Variants in PLXNA4 observed in about 807,000 individuals in gnomAD.
PLXNA4 encodes the protein plexin-A4.
In PLXNA4, 44 loss-of-function variants were observed where a neutral mutation model predicts 191.8. The observed-to-expected ratio is 0.23, with a 90% CI of 0.18 to 0.29. The LOEUF (loss-of-function observed/expected upper bound fraction) is 0.29, where lower values mean the gene tolerates loss of function less well. Among genes scored for constraint, PLXNA4 ranks in the 10% least tolerant of loss-of-function variants. The probability of loss-of-function intolerance (pLI) is 1.00; values close to 1 mark genes in which losing one functional copy is unlikely to be tolerated. For synonymous variants in PLXNA4, 1,082 were observed against 1,009.5 expected (o/e 1.07, Z -1.36); for missense variants, 1,800 against 2,488.8 (o/e 0.72, Z 5.89).
At chr7:132,587,914 T>A (rs1802531764) in intron 2 of PLXNA4, among the ~76,000 whole-genome samples, 1 of 151,948 alleles carries the variant, frequency 6.6e-6, no homozygotes. Context: ...TATTTTTCTC[T>A]TTGGTTTTCA....
chr7:132,310,096 A>G (rs1801671017), intron 3 of PLXNA4, among the ~76,000 whole-genome samples: 1 of 152,204 alleles, frequency 6.6e-6, no homozygotes, highest in Non-Finnish European at 1.5e-5. Flanking sequence ...ACCAAGCTCG[A>G]CTGCTGATTC....
intron 20 of PLXNA4, 68 bp downstream of exon 20, chr7:132,179,619 G>GGTGTGC: frequency 1.9e-6 from 3 of 1,561,726 alleles, no homozygotes; most frequent in South Asian, 1.2e-5. Context: ...CACATACACA[G>GGTGTGC]ATGTGCATGC....
chr7:132,352,033 A>C (rs918543556), intron 3 of PLXNA4, among the ~76,000 whole-genome samples: 3 of 152,196 alleles, frequency 2.0e-5, no homozygotes, highest in African/African-American at 4.8e-5. Flanking sequence ...TAGGATTGGC[A>C]TACATTTCCA....
chr7:132,131,720 G>A lies in PLXNA4; in HGVS notation c.5590-1146C>T, dbSNP rs193199268. On this transcript the variant is annotated intron_variant, in intron 31 of 31. Transcript: ENST00000321063. ...CAGAGAATCCTTTCTGAGAGGAGAC[G>A]GTTGGAATATTACACTGGTGCACAC... Among the ~76,000 whole-genome samples, 21 of 152,340 alleles carry A rather than the reference G, an allele frequency of 1.4e-4. No homozygotes were observed. The South Asian group carries it at 1.4e-3, about 11-fold the overall frequency.
rs111516634 is a variant in PLXNA4 at position 132,289,363 on chromosome 7, C to A, written c.1503+8728G>T. The stretch of plus-strand genomic sequence containing the variant: ...TTCTGGAGTGTTTATCACCTGCTAA[C>A]CTAGTCTCTGATTTATTTCTTAGGT... On this transcript the variant is annotated intron_variant, in intron 4 of 31. Coordinates refer to ENST00000321063, the MANE Select transcript of PLXNA4 (RefSeq NM_020911.2). Among the ~76,000 whole-genome samples, 27 of 152,242 alleles carry A rather than the reference C, an allele frequency of 1.8e-4. No homozygotes were observed. The East Asian group carries it at 4.4e-3, about 25-fold the overall frequency.
At chr7:132,503,596 C>T (rs187432179) in intron 2 of PLXNA4, among the ~76,000 whole-genome samples, 170 of 152,326 alleles carry the variant, frequency 1.1e-3, no homozygotes, top group African/African-American at 3.8e-3. Context: ...CCCAGCCTTA[C>T]TGTCTGTCAC....
At chr7:132,623,363 TAAAG>T (rs1803309700) in intron 2 of PLXNA4, among the ~76,000 whole-genome samples, 1 of 148,176 alleles carries the variant, frequency 6.7e-6, no homozygotes. Context: ...TAAAATAAAA[TAAAG>T]AAAGAAAAAG....
chr7:132,524,367 C>T (rs12112551), intron 1 of PLXNA4, among the ~76,000 whole-genome samples: 4,984 of 152,266 alleles, frequency 0.033, 270 homozygotes, highest in African/African-American at 0.11. Context: ...ATAAACTTCA[C>T]AAATTCCCAA....
intron 3 of PLXNA4, among the ~76,000 whole-genome samples, chr7:132,483,066 C>T (rs1797402835): frequency 6.6e-6 from 1 of 152,146 alleles, no homozygotes; most frequent in Non-Finnish European, 1.5e-5. Flanking sequence ...AGCACCATGA[C>T]ATCATCAATA....
intron 2 of PLXNA4, among the ~76,000 whole-genome samples, chr7:132,622,610 C>T (rs1395565308): frequency 6.6e-6 from 1 of 152,098 alleles, no homozygotes; most frequent in African/African-American, 2.4e-5. Flanking sequence ...CTTCCATTTT[C>T]TGGTCCCCAC....
At chr7:132,469,138 A>C (rs1292814296) in intron 3 of PLXNA4, among the ~76,000 whole-genome samples, 1 of 145,246 alleles carries the variant, frequency 6.9e-6, no homozygotes, top group Non-Finnish European at 1.5e-5. Context: ...AAAAAAAAAA[A>C]AGAAAGAAAG....
chr7:132,529,049 G>A (rs953213782), intron 1 of PLXNA4, among the ~76,000 whole-genome samples: 1 of 152,208 alleles, frequency 6.6e-6, no homozygotes, highest in Admixed American at 6.5e-5. Context: ...GAATAAGATG[G>A]CATTTTATCT....
At chr7:132,533,075 A>G (rs1299850153) in intron 1 of PLXNA4, among the ~76,000 whole-genome samples, 1 of 152,234 alleles carries the variant, frequency 6.6e-6, no homozygotes, top group Non-Finnish European at 1.5e-5. Context: ...TTTAATTTCC[A>G]GAATAATAGA....
intron 4 of PLXNA4, among the ~76,000 whole-genome samples, chr7:132,282,437 G>T (rs1279122474): frequency 2.0e-5 from 3 of 151,290 alleles, no homozygotes; most frequent in Non-Finnish European, 4.4e-5. Flanking sequence ...ATTGGGCATG[G>T]TGATGCCCTG....
At chr7:132,150,804 T>C (rs1481966344) in intron 25 of PLXNA4, among the ~76,000 whole-genome samples, 1 of 152,206 alleles carries the variant, frequency 6.6e-6, no homozygotes, top group East Asian at 1.9e-4. Flanking sequence ...GCAATGACAG[T>C]TGGTGACTGA....
intron 3 of PLXNA4, among the ~76,000 whole-genome samples, chr7:132,341,181 G>T (rs73723792): frequency 0.066 from 10,009 of 152,196 alleles, 533 homozygotes; most frequent in African/African-American, 0.15. Context: ...GGATAATTGG[G>T]CATTTACTTA....
chr7:132,432,483 A>G (rs1467638827), intron 3 of PLXNA4, among the ~76,000 whole-genome samples: 2 of 152,154 alleles, frequency 1.3e-5, no homozygotes, highest in African/African-American at 4.8e-5. Flanking sequence ...AATCATCATA[A>G]TCAATATAGG....
intron 2 of PLXNA4, among the ~76,000 whole-genome samples, chr7:132,507,071 C>T (rs1016194205): frequency 2.0e-5 from 3 of 152,166 alleles, no homozygotes; most frequent in Non-Finnish European, 4.4e-5. Flanking sequence ...TCTCCTTCTA[C>T]CATATGGTTT....
At chr7:132,145,093 G>A (rs1454221827) in intron 29 of PLXNA4, 26 bp downstream of exon 29, 3 of 1,613,634 alleles carry the variant, frequency 1.9e-6, no homozygotes, top group Admixed American at 3.3e-5. Flanking sequence ...GGCTCCCGAT[G>A]TGCCCCCTGC....
Sources: gnomAD v4.1 joint callset for allele counts (sites outside exome capture counted in the v4.1 genomes callset) on GRCh38, gnomAD v4.1.1 for gene constraint, MANE v1.5 for transcripts, NCBI Gene and HGNC (gene_info 2026-07-23, HGNC 2026-07-21) for gene names.